Variants in PRH2 observed in about 807,000 individuals in gnomAD.
PRH2 encodes salivary acidic proline-rich phosphoprotein 1/2.
Under a neutral mutation model 22.6 loss-of-function variants are expected in PRH2, and 19 were observed. The observed-to-expected ratio is 0.84, with a 90% CI of 0.59 to 1.23. The LOEUF (loss-of-function observed/expected upper bound fraction) is 1.23, where lower values mean the gene tolerates loss of function less well. PRH2 is among the 50% of genes most tolerant of loss of function. The pLI is 0.00. For missense variants in PRH2, 109 were observed against 203.0 expected, an observed-to-expected ratio of 0.54 and a Z score of 2.81; for synonymous variants, 45 against 72.0, an observed-to-expected ratio of 0.63 and a Z score of 1.90.
At chr12:10,931,162 A>G in intron 3 of PRH2, 82 bp downstream of exon 3, 2 of 1,573,772 alleles carry the variant, frequency 1.3e-6, no homozygotes, top group Non-Finnish European at 1.7e-6. Context: ...TCTATTGAAA[A>G]GCTGTTAATA....
Position 10,930,279 on chromosome 12 carries a change from A to C in PRH2, c.75A>C (p.Gln25His). The stretch of plus-strand genomic sequence containing the variant: ...GTACTTCTTTTCTAGATGTCAGCCA[A>C]GAAGACGTTCCCTTGGTAATATCAG... ...SAQDLDEDVSQEDVPLVISDG... is the reference protein window; with the variant it reads ...SAQDLDEDVSHEDVPLVISDG... Residue 25 changes from glutamine (Q) to histidine (H), a missense_variant, in exon 2 of 4, where the codon CAA (glutamine) becomes CAC (histidine). Around this residue, in one of 4 missense-constraint regions of PRH2, gnomAD observed 54 missense variants for 60.5 expected, o/e 0.89. Transcript: ENST00000396400. 1 of 1,613,370 alleles carries C rather than the reference A, an allele frequency of 6.2e-7. No homozygotes were observed. Among genetic ancestry groups the C allele is most frequent in the African/African-American group, 1.3e-5 (1 of 75,022 alleles).
At chr12:10,931,105 C>T in intron 3 of PRH2, 25 bp downstream of exon 3, 1 of 1,572,202 alleles carries the variant, frequency 6.4e-7, no homozygotes. Flanking sequence ...TATTATCCAT[C>T]AAAGGCTCCA....
Position 10,932,603 on chromosome 12 carries a change from C to T in PRH2, c.*396C>T, listed in dbSNP as rs1457635821. Among the ~76,000 whole-genome samples the T allele has an allele frequency of 6.6e-6, 1 of 152,064 alleles. No individual in the cohort carries two copies. Among genetic ancestry groups the T allele is most frequent in the Non-Finnish European group, 1.5e-5 (1 of 68,016 alleles). ...AAACAGGACCAATGAAAGAAAGTCC[C>T]AGAAGCTGAGAGAAACTTTAACAAG... On this transcript the variant is annotated 3_prime_UTR_variant, in exon 4 of 4. Coordinates refer to ENST00000396400, the MANE Select transcript of PRH2 (RefSeq NM_001110213.1).
In PRH2 at chr12:10,933,190, C is replaced by T. The variant is rs1270802968; in HGVS notation, c.*983C>T. The stretch of plus-strand genomic sequence containing the variant: ...TTTTTCCTACATTCTGAAAAGCAAA[C>T]ATGAAAAACTGAACACAGTTTTTAC... On this transcript the variant is annotated 3_prime_UTR_variant, in exon 4 of 4. Coordinates refer to ENST00000396400, the MANE Select transcript of PRH2 (RefSeq NM_001110213.1). Among the ~76,000 whole-genome samples, 2 of 151,916 alleles carry T rather than the reference C, an allele frequency of 1.3e-5. No individual in the cohort carries two copies. The highest frequency in any genetic ancestry group is 4.8e-5 in the African/African-American group (2 of 41,390).
In PRH2 at chr12:10,930,253, T is replaced by C. The variant is rs748149462; in HGVS notation, c.65-16T>C. On this transcript the variant is annotated splice_polypyrimidine_tract_variant and intron_variant, in intron 1 of 3. Transcript: ENST00000396400. ...CATGCAGTAACTTTTCCCATCATCC[T>C]GTACTTCTTTTCTAGATGTCAGCCA... 2.3e-5 allele frequency: 37 copies of C among 1,612,426 alleles called. No homozygotes were observed. The highest frequency in any genetic ancestry group is 3.3e-4 in the Middle Eastern group (2 of 6,080).
chr12:10,930,221 A>C, intron 1 of PRH2, 48 bp from the exon 2 acceptor site: 1 of 1,590,892 alleles, frequency 6.3e-7, no homozygotes, highest in South Asian at 1.1e-5. Flanking sequence ...ATGAGCTCTG[A>C]ATGATTCATG....
rs1211996126 is a variant in PRH2 at position 10,932,527 on chromosome 12, A to G, written c.*320A>G. Among the ~76,000 whole-genome samples, 2 of 152,098 alleles carry G rather than the reference A, an allele frequency of 1.3e-5. No individual in the cohort carries two copies. Among genetic ancestry groups the G allele is most frequent in the Non-Finnish European group, 2.9e-5 (2 of 68,014 alleles). On this transcript the variant is annotated 3_prime_UTR_variant, in exon 4 of 4. Transcript: ENST00000396400. ...TCTTAGCTCGAATTTAAATTGCACA[A>G]TTATTTTCAGGTCATTTCCTGATAG...
rs1175968735 is a variant in PRH2 at position 10,933,951 on chromosome 12, G to C, written c.*1744G>C. On this transcript the variant is annotated 3_prime_UTR_variant, in exon 4 of 4. Coordinates refer to ENST00000396400, the MANE Select transcript of PRH2 (RefSeq NM_001110213.1). ...TTTTTCTGTCCAGAAAATAACAAGA[G>C]ATTCTACTCAGGTAAAAAAGGAAAG... Among the ~76,000 whole-genome samples the C allele has an allele frequency of 6.6e-6, 1 of 152,010 alleles. No homozygotes were observed. Among genetic ancestry groups the C allele is most frequent in the African/African-American group, 2.4e-5 (1 of 41,406 alleles).
In PRH2 at chr12:10,929,317, C is replaced by T; in HGVS notation, c.44C>T (p.Ser15Leu). The stretch of plus-strand genomic sequence containing the variant: ...TCAGTGGCCCTGCTGGCCTTCAGCT[C>T]AGCTCAGGACTTAGATGAAGGTAAG... ...LLSVALLAFSSAQDLDEDVSQ... is the reference protein window; with the variant it reads ...LLSVALLAFSLAQDLDEDVSQ... Residue 15 changes from serine (S) to leucine (L), a missense_variant, in exon 1 of 4, where the codon TCA (serine) becomes TTA (leucine). Transcript: ENST00000396400. 6.2e-7 allele frequency: 1 copy of T among 1,614,090 alleles called. No individual in the cohort carries two copies. Among genetic ancestry groups the T allele is most frequent in the Non-Finnish European group, 8.5e-7 (1 of 1,180,026 alleles).
intron 1 of PRH2, among the ~76,000 whole-genome samples, chr12:10,929,900 G>A (rs1405802985): frequency 1.3e-5 from 2 of 152,136 alleles, no homozygotes; most frequent in African/African-American, 2.4e-5. Context: ...GGCTATGTCT[G>A]GTGGCTCCTG....
chr12:10,931,201 G>T, intron 3 of PRH2, 121 bp downstream of exon 3: 1 of 1,525,392 alleles, frequency 6.6e-7, no homozygotes, highest in South Asian at 1.3e-5. Context: ...CATTTCTCAT[G>T]AGTTTTGTTC....
chr12:10,932,208 C>A lies in PRH2; in HGVS notation c.*19-18C>A. On this transcript the variant is annotated intron_variant, in intron 3 of 3. Transcript: ENST00000396400. ...TGCCATGTCAAGTCTTGCCTATAATCTTCCTTGTCTTTTTCAGGAAGTGAA... is the reference window on the plus strand; with the variant it reads ...TGCCATGTCAAGTCTTGCCTATAATATTCCTTGTCTTTTTCAGGAAGTGAA... 1 of 435,740 alleles carries A rather than the reference C, an allele frequency of 2.3e-6. No individual in the cohort carries two copies. Among genetic ancestry groups the A allele is most frequent in the South Asian group, 1.6e-5 (1 of 62,326 alleles). 27.0% of individuals were successfully genotyped at this position (435,740 alleles called of 1,614,324 possible).
At chr12:10,929,534 C>T (rs184850037) in intron 1 of PRH2, among the ~76,000 whole-genome samples, 197 bp downstream of exon 1, 252 of 152,184 alleles carry the variant, frequency 1.7e-3, no homozygotes, top group Non-Finnish European at 3.0e-3. Context: ...ACAAATAGAA[C>T]CCAATAAAGA....
rs1194637968 is a variant in PRH2, at chr12:10,932,604, A to C, written c.*397A>C. 6.6e-6 allele frequency among the ~76,000 whole-genome samples: 1 copy of C among 152,216 alleles called. No homozygotes were observed. The highest frequency in any genetic ancestry group is 1.5e-5 in the Non-Finnish European group (1 of 68,036). ...AACAGGACCAATGAAAGAAAGTCCC[A>C]GAAGCTGAGAGAAACTTTAACAAGT... On this transcript the variant is annotated 3_prime_UTR_variant, in exon 4 of 4. Transcript: ENST00000396400.
At chr12:10,931,142 T>A in intron 3 of PRH2, 62 bp downstream of exon 3, 1 of 1,589,034 alleles carries the variant, frequency 6.3e-7, no homozygotes, top group Non-Finnish European at 8.5e-7. Flanking sequence ...AACTTCATTG[T>A]GCCAGTGAAT....
At chr12:10,929,377 G>A (rs768330363) in intron 1 of PRH2, 40 bp downstream of exon 1, 27 of 1,612,872 alleles carry the variant, frequency 1.7e-5, no homozygotes, top group Non-Finnish European at 2.2e-5. Context: ...CTCTGATTGG[G>A]GTTTACGGGC....
intron 1 of PRH2, 125 bp downstream of exon 1, chr12:10,929,462 C>A: frequency 8.4e-7 from 1 of 1,196,216 alleles, no homozygotes; most frequent in Non-Finnish European, 1.2e-6. Flanking sequence ...GTTCTCATGC[C>A]AAGGATCAGA....
At chr12:10,931,498 T>C (rs564302910) in intron 3 of PRH2, among the ~76,000 whole-genome samples, 2 of 152,350 alleles carry the variant, frequency 1.3e-5, no homozygotes, top group South Asian at 4.1e-4. Context: ...GACTTTTAGC[T>C]GTTAAATGGT....
chr12:10,930,232 C>T (rs117728665), intron 1 of PRH2, 37 bp from the exon 2 acceptor site: 8 of 1,604,868 alleles, frequency 5.0e-6, no homozygotes, highest in Non-Finnish European at 6.8e-6. Flanking sequence ...ATGATTCATG[C>T]AGTAACTTTT....
Sources: gnomAD v4.1 joint callset for allele counts (sites outside exome capture counted in the v4.1 genomes callset) on GRCh38, gnomAD v4.1.1 for gene constraint, gnomAD v4.1.1 regional missense constraint, MANE v1.5 for transcripts, NCBI Gene and HGNC (gene_info 2026-07-23, HGNC 2026-07-21) for gene names.